The following RGS9 variants were observed in gnomAD, a reference collection of about 807,000 sequenced individuals.
RGS9 encodes the protein regulator of G protein signaling 9.
A neutral mutation model predicts 102.0 loss-of-function variants in RGS9; 78 were observed. That is an observed-to-expected ratio of 0.76 (90% CI 0.64 to 0.92). The LOEUF is 0.92. RGS9 is among the 40% of genes least tolerant of loss of function. RGS9 has a pLI of 0.00. For missense variants in RGS9, 833 were observed against 866.1 expected, an observed-to-expected ratio of 0.96 and a Z score of 0.48; for synonymous variants, 353 against 318.6, an observed-to-expected ratio of 1.11 and a Z score of -1.15.
intron 1 of RGS9, among the ~76,000 whole-genome samples, chr17:65,139,746 T>G (rs1319998760): frequency 6.6e-6 from 1 of 152,150 alleles, no homozygotes; most frequent in African/African-American, 2.4e-5. Context: ...CCTCCAGCAT[T>G]GCTCTTTCCC....
intron 2 of RGS9, among the ~76,000 whole-genome samples, chr17:65,157,125 T>C (rs1351728152): frequency 2.9e-5 from 4 of 135,688 alleles, no homozygotes. Flanking sequence ...TATCCAGACA[T>C]AAGAACACAG....
intron 3 of RGS9, 107 bp from the exon 4 acceptor site, chr17:65,160,126 T>C (rs1910919666): frequency 3.5e-6 from 3 of 846,582 alleles, no homozygotes; most frequent in Non-Finnish European, 6.1e-6. Context: ...GATGCAGTGC[T>C]GTTAGGAAGG....
intron 8 of RGS9, among the ~76,000 whole-genome samples, chr17:65,176,391 C>T (rs991396887): frequency 1.3e-5 from 2 of 152,182 alleles, no homozygotes; most frequent in African/African-American, 2.4e-5. Flanking sequence ...GAACCTGCCA[C>T]GTAGGAGGAT....
intron 14 of RGS9, among the ~76,000 whole-genome samples, chr17:65,202,470 A>AGT (rs1912897467): frequency 6.9e-6 from 1 of 144,692 alleles, no homozygotes; most frequent in Non-Finnish European, 1.5e-5. Flanking sequence ...AGAGAGAGTG[A>AGT]GAGAGAGAGA....
At chr17:65,185,619 C>A (rs1341386853) in intron 9 of RGS9, 1 of 152,222 alleles carries the variant, frequency 6.6e-6, no homozygotes, top group Non-Finnish European at 1.5e-5. Flanking sequence ...AAAGTCTCAC[C>A]TTCAACCAAA....
intron 1 of RGS9, among the ~76,000 whole-genome samples, chr17:65,141,048 G>A (rs562796646): frequency 6.6e-6 from 1 of 152,202 alleles, no homozygotes; most frequent in Non-Finnish European, 1.5e-5. Flanking sequence ...TGGTCAGAAA[G>A]GACCGTGTGC....
rs372103640 is a variant in RGS9 at position 65,227,332 on chromosome 17, G to A, written c.1950G>A (p.Ser650=). 59 of 1,614,168 alleles carry A rather than the reference G, an allele frequency of 3.7e-5. No homozygotes were observed. The highest frequency in any genetic ancestry group is 5.3e-5 in the African/African-American group (4 of 75,036). ...PTGSGTCLMD[S]EDAGTGESGD... ...GGAGCGGGACCTGCTTGATGGACTC[G>A]GAGGATGCTGGAACAGGAGAGTCGG... The change falls in exon 19 of 19, where the codon TCG becomes TCA. Residue 650 remains serine (S), a synonymous_variant. Transcript: ENST00000262406.
intron 1 of RGS9, 45 bp from the exon 2 acceptor site, chr17:65,153,377 C>T (rs994751418): frequency 2.6e-6 from 4 of 1,545,902 alleles, no homozygotes; most frequent in Non-Finnish European, 3.6e-6. Context: ...GCACAACTTT[C>T]AAAATTGTTC....
chr17:65,157,219 T>G (rs146880673), intron 2 of RGS9, among the ~76,000 whole-genome samples: 1 of 152,250 alleles, frequency 6.6e-6, no homozygotes, highest in African/African-American at 2.4e-5. Flanking sequence ...GCTTGGCCTT[T>G]GGAAAGCAGG....
intron 9 of RGS9, among the ~76,000 whole-genome samples, chr17:65,180,447 G>A (rs4791228): frequency 4.6e-5 from 7 of 151,824 alleles, no homozygotes; most frequent in African/African-American, 1.7e-4. Context: ...CTTCCGGGTT[G>A]AAGTAACTCC....
chr17:65,179,635 CTGTGTGTGTGTGTGTGTGTGTGTG>C (rs56275900), intron 9 of RGS9, among the ~76,000 whole-genome samples: 1 of 125,016 alleles, frequency 8.0e-6, no homozygotes. Flanking sequence ...TACTGCTCAG[CTGTGTGTGTGTGTGTGTGTGTGTG>C]TGTGTGTGTG....
intron 1 of RGS9, among the ~76,000 whole-genome samples, chr17:65,140,435 A>C (rs1448313128): frequency 6.6e-6 from 1 of 152,180 alleles, no homozygotes; most frequent in Non-Finnish European, 1.5e-5. Flanking sequence ...TTTGAAGTGC[A>C]AGGGGAGTGG....
chr17:65,160,641 T>C (rs1398480461), intron 5 of RGS9, 54 bp downstream of exon 5: 1 of 1,574,886 alleles, frequency 6.3e-7, no homozygotes, highest in African/African-American at 1.3e-5. Context: ...TGCTGCTTAT[T>C]TACTTGCTGC....
chr17:65,154,182 C>T (rs1798233977), intron 2 of RGS9, among the ~76,000 whole-genome samples: 2 of 152,090 alleles, frequency 1.3e-5, no homozygotes. Context: ...TGGTGCATGC[C>T]TGTAATCCCA....
At chr17:65,180,371 C>T (rs1246109465) in intron 9 of RGS9, among the ~76,000 whole-genome samples, 4 of 151,554 alleles carry the variant, frequency 2.6e-5, no homozygotes, top group East Asian at 1.9e-4. Context: ...TTTTTTGAGA[C>T]GGAGTCCTGC....
At chr17:65,213,747 C>T (rs16969374) in intron 17 of RGS9, among the ~76,000 whole-genome samples, 4,036 of 152,202 alleles carry the variant, frequency 0.027, 184 homozygotes, top group African/African-American at 0.092. Context: ...CATACGGGGA[C>T]TCCTTGTGTA....
At chr17:65,144,260 C>T (rs891439094) in intron 1 of RGS9, among the ~76,000 whole-genome samples, 7 of 152,274 alleles carry the variant, frequency 4.6e-5, no homozygotes, top group South Asian at 4.1e-4. Context: ...TTATTGTTCC[C>T]CCGGGTGCCT....
intron 1 of RGS9, among the ~76,000 whole-genome samples, chr17:65,140,134 G>A (rs925071904): frequency 4.6e-5 from 7 of 152,180 alleles, no homozygotes; most frequent in African/African-American, 1.4e-4. Flanking sequence ...GAGGCTAAGC[G>A]GCTTGCCAGT....
intron 14 of RGS9, among the ~76,000 whole-genome samples, chr17:65,202,678 T>C (rs1452745861): frequency 6.6e-6 from 1 of 152,092 alleles, no homozygotes; most frequent in Non-Finnish European, 1.5e-5. Context: ...TCCCTCTCCA[T>C]GACTGTCTCT....
Sources: allele counts gnomAD v4.1 joint callset (sites outside exome capture counted in the v4.1 genomes callset), GRCh38; gene constraint gnomAD v4.1.1; transcripts MANE v1.5; gene names NCBI Gene and HGNC (gene_info 2026-07-23, HGNC 2026-07-21).